ADAMTSL1: variants seen among roughly 807,000 people sequenced by gnomAD.
ADAMTSL1 encodes ADAMTS-like protein 1.
A neutral mutation model predicts 201.8 loss-of-function variants in ADAMTSL1; 126 were observed. The ratio of observed to expected loss-of-function variants is 0.62; its 90% CI spans 0.54 to 0.72. ADAMTSL1 has a LOEUF of 0.72. Among genes scored for constraint, ADAMTSL1 ranks in the 30% least tolerant of loss-of-function variants. The pLI, the probability that ADAMTSL1 is intolerant of heterozygous loss-of-function variation, is 0.00. For synonymous variants in ADAMTSL1, 1,121 were observed against 903.4 expected, an observed-to-expected ratio of 1.24 and a Z score of -4.32; for missense variants, 2,679 against 2,277.8, an observed-to-expected ratio of 1.18 and a Z score of -3.59.
At chr9:18,250,296 C>G (rs1831413836) in intron 2 of ADAMTSL1, among the ~76,000 whole-genome samples, 1 of 152,146 alleles carries the variant, frequency 6.6e-6, no homozygotes, top group South Asian at 2.1e-4. Context: ...TGACAAATGT[C>G]CAGTATTTCA....
intron 1 of ADAMTSL1, among the ~76,000 whole-genome samples, chr9:18,106,198 C>A (rs1012202435): frequency 6.6e-6 from 1 of 152,206 alleles, no homozygotes; most frequent in Non-Finnish European, 1.5e-5. Flanking sequence ...CCCTAACTTG[C>A]ATCTTGTTCT....
At chr9:18,246,653 T>A (rs1433407512) in intron 2 of ADAMTSL1, among the ~76,000 whole-genome samples, 1 of 152,200 alleles carries the variant, frequency 6.6e-6, no homozygotes, top group Non-Finnish European at 1.5e-5. Context: ...TTCAGAAAAA[T>A]TAAATTACTC....
intron 2 of ADAMTSL1, among the ~76,000 whole-genome samples, chr9:18,221,494 A>T (rs1830258579): frequency 6.6e-6 from 1 of 151,932 alleles, no homozygotes; most frequent in Non-Finnish European, 1.5e-5. Flanking sequence ...ATCTCTCTAT[A>T]CTGCACTAAG....
intron 2 of ADAMTSL1, among the ~76,000 whole-genome samples, chr9:18,202,499 C>CT (rs1563804880): frequency 6.6e-6 from 1 of 152,176 alleles, no homozygotes; most frequent in African/African-American, 2.4e-5. Flanking sequence ...CATTCTTGGA[C>CT]TTTATTTATT....
At chr9:18,135,944 T>C (rs1049062074) in intron 1 of ADAMTSL1, among the ~76,000 whole-genome samples, 1 of 152,180 alleles carries the variant, frequency 6.6e-6, no homozygotes, top group African/African-American at 2.4e-5. Flanking sequence ...CTGAGAAATA[T>C]AGACTTTCTC....
At chr9:18,422,520 G>A (rs145572151) in intron 2 of ADAMTSL1, among the ~76,000 whole-genome samples, 34 of 152,096 alleles carry the variant, frequency 2.2e-4, no homozygotes, top group Non-Finnish European at 4.6e-4. Flanking sequence ...CCTGAGCCTC[G>A]TTGTTCACCC....
intron 5 of ADAMTSL1, among the ~76,000 whole-genome samples, chr9:18,623,474 T>C (rs1270161151): frequency 1.3e-5 from 2 of 152,076 alleles, no homozygotes; most frequent in Admixed American, 1.3e-4. Flanking sequence ...CTTACTTGTT[T>C]CTCTGGACTG....
chr9:18,248,961 T>C (rs1831363858), intron 2 of ADAMTSL1, among the ~76,000 whole-genome samples: 1 of 152,238 alleles, frequency 6.6e-6, no homozygotes, highest in African/African-American at 2.4e-5. Flanking sequence ...CACCGTTCTG[T>C]ACCCTGTACA....
At chr9:18,222,766 T>A (rs1000270269) in intron 2 of ADAMTSL1, among the ~76,000 whole-genome samples, 1 of 151,692 alleles carries the variant, frequency 6.6e-6, no homozygotes, top group Non-Finnish European at 1.5e-5. Context: ...ACTCTTACCA[T>A]AATTGTTTGC....
At chr9:17,935,794 C>T (rs1456366424) in intron 1 of ADAMTSL1, among the ~76,000 whole-genome samples, 1 of 152,212 alleles carries the variant, frequency 6.6e-6, no homozygotes, top group Admixed American at 6.5e-5. Context: ...AAGTGCTTTA[C>T]ACTGGTCTCA....
chr9:17,908,551 G>C (rs1207372883), intron 1 of ADAMTSL1, among the ~76,000 whole-genome samples: 1 of 152,034 alleles, frequency 6.6e-6, no homozygotes, highest in Non-Finnish European at 1.5e-5. Context: ...CTGCCTCCTG[G>C]GTTCAAGCGA....
rs532697091 is a variant in ADAMTSL1 at position 18,574,202 on chromosome 9, A to C, written c.410A>C (p.Lys137Thr). ...ACCCTGGTTGTTGAACTAGCACCTAAGGTCTTAGATGGTACGCGTTGCTAT... is the reference window on the plus strand; with the variant it reads ...ACCCTGGTTGTTGAACTAGCACCTACGGTCTTAGATGGTACGCGTTGCTAT... ...GTTLVVELAP[K>T]VLDGTRCYTE... Residue 137 changes from lysine to threonine, a missense_variant, in exon 4 of 29, where the codon AAG becomes ACG. Physicochemically the swap from Lys to Thr is moderately conservative, Grantham distance 78. Transcript: ENST00000380548. 1.2e-6 allele frequency: 2 copies of C among 1,614,154 alleles called. No individual in the cohort carries two copies. Among genetic ancestry groups the C allele is most frequent in the South Asian group, 2.2e-5 (2 of 91,078 alleles).
At chr9:18,439,471 A>C (rs371997463) in intron 2 of ADAMTSL1, among the ~76,000 whole-genome samples, 3 of 152,104 alleles carry the variant, frequency 2.0e-5, no homozygotes, top group Non-Finnish European at 4.4e-5. Flanking sequence ...GGTTCAAGCA[A>C]TTCTCCTGCC....
chr9:17,946,404 C>G (rs1322759427), intron 1 of ADAMTSL1, among the ~76,000 whole-genome samples: 1 of 152,066 alleles, frequency 6.6e-6, no homozygotes. Context: ...CCATATTTTT[C>G]ATAATTAAAT....
At chr9:18,339,966 C>G (rs1400081930) in intron 2 of ADAMTSL1, among the ~76,000 whole-genome samples, 2 of 152,078 alleles carry the variant, frequency 1.3e-5, no homozygotes, top group African/African-American at 4.8e-5. Context: ...CTGGATTTTC[C>G]CCTTCCCGCA....
chr9:18,653,020 T>C (rs1011384660), intron 7 of ADAMTSL1, among the ~76,000 whole-genome samples: 1 of 152,264 alleles, frequency 6.6e-6, no homozygotes, highest in Non-Finnish European at 1.5e-5. Context: ...TTCATTTTCC[T>C]ACCCAACTTT....
intron 2 of ADAMTSL1, among the ~76,000 whole-genome samples, chr9:18,411,703 C>A (rs950368072): frequency 2.0e-5 from 3 of 152,116 alleles, no homozygotes; most frequent in South Asian, 4.1e-4. Context: ...CCTTCCATGA[C>A]CCCCATTTTT....
intron 23 of ADAMTSL1, among the ~76,000 whole-genome samples, chr9:18,855,631 A>G (rs189658091): frequency 1.0e-3 from 158 of 152,304 alleles, no homozygotes; most frequent in Admixed American, 2.9e-3. Flanking sequence ...GAAAGGATGT[A>G]GAAAGACCAG....
At chr9:18,331,450 A>G (rs746265278) in intron 2 of ADAMTSL1, among the ~76,000 whole-genome samples, 1 of 152,134 alleles carries the variant, frequency 6.6e-6, no homozygotes, top group Non-Finnish European at 1.5e-5. Flanking sequence ...GCAGGGTAAA[A>G]CCTTAGTATA....
Sources: allele counts gnomAD v4.1 joint callset (sites outside exome capture counted in the v4.1 genomes callset), GRCh38; gene constraint gnomAD v4.1.1; transcripts MANE v1.5; gene names NCBI Gene and HGNC (gene_info 2026-07-23, HGNC 2026-07-21).